PCDH15: variants seen among roughly 807,000 people sequenced by gnomAD.
PCDH15 encodes protocadherin-15.
A neutral mutation model predicts 178.5 loss-of-function variants in PCDH15; 129 were observed. That is an observed-to-expected ratio of 0.72 (90% CI 0.63 to 0.84). PCDH15 has a LOEUF of 0.84. Among genes scored for constraint, PCDH15 ranks in the 40% least tolerant of loss-of-function variants. The pLI is 0.00. For synonymous variants in PCDH15, 800 were observed against 732.0 expected, an observed-to-expected ratio of 1.09 and a Z score of -1.50; for missense variants, 2,230 against 2,099.9, an observed-to-expected ratio of 1.06 and a Z score of -1.21.
chr10:55,552,062 A>G (rs1842012881), intron 2 of PCDH15, among the ~76,000 whole-genome samples: 1 of 151,828 alleles, frequency 6.6e-6, no homozygotes, highest in African/African-American at 2.4e-5. Flanking sequence ...TGAATTGCAC[A>G]GCAAATTTAT....
intron 21 of PCDH15, among the ~76,000 whole-genome samples, chr10:53,965,241 G>A (rs943845511): frequency 1.3e-5 from 2 of 151,962 alleles, no homozygotes; most frequent in Admixed American, 1.3e-4. Context: ...TCTATTTTTA[G>A]TAGAGATAGG....
At chr10:55,431,532 A>G (rs892661404) in intron 2 of PCDH15, among the ~76,000 whole-genome samples, 5 of 152,192 alleles carry the variant, frequency 3.3e-5, no homozygotes, top group Admixed American at 1.3e-4. Flanking sequence ...AATTGGATAT[A>G]TGATATCACT....
chr10:53,911,662 C>T (rs2083096921), intron 25 of PCDH15, among the ~76,000 whole-genome samples: 1 of 152,170 alleles, frequency 6.6e-6, no homozygotes, highest in South Asian at 2.1e-4. Context: ...AATCCAGGAG[C>T]TGGTTTTTTG....
At chr10:54,219,800 A>G (rs981973652) in intron 9 of PCDH15, among the ~76,000 whole-genome samples, 1 of 152,086 alleles carries the variant, frequency 6.6e-6, no homozygotes. Context: ...AAGGATTGTT[A>G]TACTTTTTAT....
intron 3 of PCDH15, among the ~76,000 whole-genome samples, chr10:54,831,163 T>C (rs1953220139): frequency 6.6e-6 from 1 of 152,096 alleles, no homozygotes; most frequent in Non-Finnish European, 1.5e-5. Context: ...AAAATAGAGA[T>C]TTGGATAAAA....
At chr10:55,093,508 T>G (rs2132037833) in intron 2 of PCDH15, among the ~76,000 whole-genome samples, 1 of 152,258 alleles carries the variant, frequency 6.6e-6, no homozygotes, top group East Asian at 1.9e-4. Context: ...CAATTTCGGC[T>G]TTTGTTGCCA....
intron 1 of PCDH15, among the ~76,000 whole-genome samples, chr10:54,784,234 A>G (rs535165853): frequency 3.1e-4 from 47 of 152,116 alleles, no homozygotes; most frequent in Non-Finnish European, 6.2e-4. Context: ...CCATATCTCC[A>G]CTATACAATT....
chr10:54,654,637 G>T (rs2094335963), intron 2 of PCDH15, among the ~76,000 whole-genome samples: 1 of 152,122 alleles, frequency 6.6e-6, no homozygotes, highest in Admixed American at 6.6e-5. Flanking sequence ...TCTAACTAAA[G>T]AAAAACTCTA....
chr10:54,530,203 G>T (rs1415849741), intron 2 of PCDH15, among the ~76,000 whole-genome samples: 2 of 151,990 alleles, frequency 1.3e-5, no homozygotes, highest in Non-Finnish European at 2.9e-5. Context: ...CATTCTCAAA[G>T]TTAATTCTCC....
intron 3 of PCDH15, among the ~76,000 whole-genome samples, chr10:54,413,519 A>C (rs529867166): frequency 6.6e-6 from 1 of 152,314 alleles, no homozygotes; most frequent in South Asian, 2.1e-4. Flanking sequence ...AACAAATGAA[A>C]CAAGTATAAA....
chr10:54,751,551 A>G (rs1165223123), intron 1 of PCDH15, among the ~76,000 whole-genome samples: 1 of 152,120 alleles, frequency 6.6e-6, no homozygotes, highest in African/African-American at 2.4e-5. Flanking sequence ...AACCCTTAAA[A>G]CCGTCTAGTT....
At chr10:55,601,592 G>C (rs1471441241) in intron 2 of PCDH15, among the ~76,000 whole-genome samples, 1 of 152,152 alleles carries the variant, frequency 6.6e-6, no homozygotes, top group Non-Finnish European at 1.5e-5. Context: ...TTGCAAGATA[G>C]AGGTGATAGA....
chr10:55,190,939 G>T (rs1432882108), intron 1 of PCDH15, among the ~76,000 whole-genome samples: 2 of 151,570 alleles, frequency 1.3e-5, no homozygotes, highest in Admixed American at 1.3e-4. Context: ...AAGGTCAGAT[G>T]CAGTCTGTTG....
intron 1 of PCDH15, among the ~76,000 whole-genome samples, chr10:55,302,650 G>A (rs916281997): frequency 5.9e-5 from 9 of 152,108 alleles, no homozygotes; most frequent in African/African-American, 2.2e-4. Flanking sequence ...AAACTCTGCT[G>A]ATTTAAACGG....
intron 1 of PCDH15, among the ~76,000 whole-genome samples, chr10:54,668,503 G>T (rs11004441): frequency 0.36 from 54,921 of 151,908 alleles, 10,474 homozygotes; most frequent in African/African-American, 0.49. Context: ...ACTATTCTGA[G>T]TACAGATTTC....
chr10:53,914,043 G>A (rs1309258994), intron 25 of PCDH15, among the ~76,000 whole-genome samples: 1 of 152,198 alleles, frequency 6.6e-6, no homozygotes, highest in Non-Finnish European at 1.5e-5. Context: ...TCAGAGAAAT[G>A]CAAATCAAAA....
chr10:53,876,011 C>T (rs74137214), intron 26 of PCDH15, among the ~76,000 whole-genome samples: 3,036 of 152,144 alleles, frequency 0.02, 111 homozygotes, highest in African/African-American at 0.069. Flanking sequence ...TAACATTTAA[C>T]GGTATTGAAG....
At chr10:54,621,827 T>C (rs770018052) in intron 2 of PCDH15, among the ~76,000 whole-genome samples, 15 of 151,992 alleles carry the variant, frequency 9.9e-5, no homozygotes, top group Non-Finnish European at 1.9e-4. Context: ...GGAAGAAATA[T>C]TCTTCAGGAA....
chr10:54,506,077 C>G (rs1046338872), intron 3 of PCDH15, among the ~76,000 whole-genome samples: 1 of 152,028 alleles, frequency 6.6e-6, no homozygotes, highest in Non-Finnish European at 1.5e-5. Context: ...TTGCATTGTC[C>G]ATCACAGTAT....
Sources: allele counts gnomAD v4.1 joint callset (sites outside exome capture counted in the v4.1 genomes callset), GRCh38; gene constraint gnomAD v4.1.1; transcripts MANE v1.5; gene names NCBI Gene and HGNC (gene_info 2026-07-23, HGNC 2026-07-21).